The following CALN1 variants were observed in gnomAD, a reference collection of about 807,000 sequenced individuals.
CALN1 encodes calcium-binding protein 8.
Under a neutral mutation model 30.6 loss-of-function variants are expected in CALN1, and 17 were observed. That is an observed-to-expected ratio of 0.56 (90% confidence interval 0.38 to 0.83). The LOEUF is 0.83. Ranked by LOEUF, CALN1 falls within the 40% of genes least tolerant of loss-of-function variation. CALN1 has a pLI of 0.00. For synonymous variants in CALN1, 156 were observed against 131.4 expected, an observed-to-expected ratio of 1.19 and a Z score of -1.28; for missense variants, 291 against 354.9, an observed-to-expected ratio of 0.82 and a Z score of 1.45.
At chr7:71,790,146 A>G (rs567617840) in intron 6 of CALN1, among the ~76,000 whole-genome samples, 4 of 125,970 alleles carry the variant, frequency 3.2e-5, no homozygotes, top group Non-Finnish European at 6.6e-5. Flanking sequence ...GAAGAAAGAA[A>G]GAAGAAAGAG....
At chr7:71,798,442 G>A (rs1787094400) in intron 6 of CALN1, among the ~76,000 whole-genome samples, 1 of 151,892 alleles carries the variant, frequency 6.6e-6, no homozygotes, top group Non-Finnish European at 1.5e-5. Context: ...AGTCTCCTGT[G>A]TAGCTGGGAC....
At chr7:71,967,316 A>C (rs1420636001) in intron 5 of CALN1, among the ~76,000 whole-genome samples, 1 of 152,116 alleles carries the variant, frequency 6.6e-6, no homozygotes, top group Admixed American at 6.6e-5. Flanking sequence ...ATGGCAGAAA[A>C]TATCACAAAA....
chr7:72,213,114 C>G (rs1792530034), intron 3 of CALN1, among the ~76,000 whole-genome samples: 1 of 152,222 alleles, frequency 6.6e-6, no homozygotes, highest in African/African-American at 2.4e-5. Flanking sequence ...TCCGTTCTGG[C>G]AGTAACCCTG....
chr7:72,179,989 C>T (rs1040795463), intron 3 of CALN1, among the ~76,000 whole-genome samples: 10 of 152,192 alleles, frequency 6.6e-5, no homozygotes, highest in Non-Finnish European at 1.2e-4. Context: ...GGTCATTTTA[C>T]ATGATCCGTC....
chr7:71,807,463 A>G (rs1787686683), intron 6 of CALN1, among the ~76,000 whole-genome samples: 1 of 152,154 alleles, frequency 6.6e-6, no homozygotes, highest in Admixed American at 6.5e-5. Flanking sequence ...CCTAAACACA[A>G]ATCAACGAGC....
chr7:71,991,642 C>T (rs565153409), intron 5 of CALN1, among the ~76,000 whole-genome samples: 66 of 152,146 alleles, frequency 4.3e-4, no homozygotes, highest in African/African-American at 1.5e-3. Flanking sequence ...AGATTCTCTA[C>T]AAGGAATATA....
At chr7:72,318,276 C>A (rs533178202) in intron 2 of CALN1, among the ~76,000 whole-genome samples, 50 of 151,950 alleles carry the variant, frequency 3.3e-4, no homozygotes, top group Non-Finnish European at 6.0e-4. Context: ...CTGAAGAATT[C>A]AAGGGACTGA....
At chr7:72,298,967 C>A (rs921600727) in intron 2 of CALN1, among the ~76,000 whole-genome samples, 7 of 152,110 alleles carry the variant, frequency 4.6e-5, no homozygotes, top group African/African-American at 1.7e-4. Flanking sequence ...AAACCTCTTT[C>A]TTTTGTAAAT....
At chr7:71,938,766 G>A (rs1795974140) in intron 5 of CALN1, among the ~76,000 whole-genome samples, 1 of 152,080 alleles carries the variant, frequency 6.6e-6, no homozygotes, top group Non-Finnish European at 1.5e-5. Flanking sequence ...CTCCAGCCTG[G>A]GCGATAGAAC....
intron 2 of CALN1, among the ~76,000 whole-genome samples, chr7:72,347,401 G>A (rs1802705013): frequency 6.6e-6 from 1 of 151,848 alleles, no homozygotes. Context: ...TGAGTAGCTG[G>A]GATTACAGGC....
intron 2 of CALN1, among the ~76,000 whole-genome samples, chr7:72,335,723 G>C (rs1264500838): frequency 6.6e-6 from 1 of 152,234 alleles, no homozygotes; most frequent in Admixed American, 6.5e-5. Flanking sequence ...CCTCACACAA[G>C]CCTCGTCCAA....
chr7:72,039,313 T>G (rs1320928587), intron 4 of CALN1, among the ~76,000 whole-genome samples: 1 of 152,160 alleles, frequency 6.6e-6, no homozygotes, highest in Non-Finnish European at 1.5e-5. Flanking sequence ...AGGTGGCGTG[T>G]TGGATGAGCT....
chr7:72,273,373 G>A (rs1203044413), intron 3 of CALN1, among the ~76,000 whole-genome samples: 2 of 133,608 alleles, frequency 1.5e-5, no homozygotes, highest in Admixed American at 1.6e-4. Context: ...AGTGAGCCAA[G>A]ATTGCACCAC....
rs114933709 is a variant in CALN1, at chr7:72,387,432, C to T, written c.119+15819G>A. Reference sequence around the variant, plus strand: ...TGACTTTCTCCCAAAGGATACAGTACGGAAAGAGGGAAAAGTTGTAACTTC... The same window carrying T: ...TGACTTTCTCCCAAAGGATACAGTATGGAAAGAGGGAAAAGTTGTAACTTC... On this transcript the variant is annotated intron_variant, in intron 2 of 6. Transcript: ENST00000395275. 6.1e-3 allele frequency among the ~76,000 whole-genome samples: 923 copies of T among 152,138 alleles called. 8 individuals are homozygous for T. The highest frequency in any genetic ancestry group is 0.02 in the African/African-American group (844 of 41,482).
At chr7:72,337,856 T>C (rs1802170621) in intron 2 of CALN1, 2 of 152,326 alleles carry the variant, frequency 1.3e-5, no homozygotes, top group African/African-American at 2.4e-5. Flanking sequence ...ATGGATCCGA[T>C]GGGAAGGAGA....
At chr7:72,349,267 T>C (rs1359805180) in intron 2 of CALN1, among the ~76,000 whole-genome samples, 1 of 149,130 alleles carries the variant, frequency 6.7e-6, no homozygotes, top group African/African-American at 2.5e-5. Flanking sequence ...AGAGAGAGAC[T>C]GTAAACACGC....
At chr7:72,320,377 ATCTGT>A (rs1800789983) in intron 2 of CALN1, among the ~76,000 whole-genome samples, 1 of 152,150 alleles carries the variant, frequency 6.6e-6, no homozygotes, top group Non-Finnish European at 1.5e-5. Flanking sequence ...AGGGAGCTCT[ATCTGT>A]TCCCCAGGTG....
intron 2 of CALN1, among the ~76,000 whole-genome samples, chr7:72,315,580 C>T (rs2129556775): frequency 6.6e-6 from 1 of 152,124 alleles, no homozygotes; most frequent in Non-Finnish European, 1.5e-5. Context: ...TGGTGGATGC[C>T]TGTAGTCCCA....
chr7:71,907,694 CTTA>C (rs990441516), intron 5 of CALN1, among the ~76,000 whole-genome samples: 16 of 152,310 alleles, frequency 1.1e-4, no homozygotes, highest in African/African-American at 3.6e-4. Flanking sequence ...GTATGCAGCA[CTTA>C]TTATGTTCCA....
Sources: allele counts gnomAD v4.1 joint callset (sites outside exome capture counted in the v4.1 genomes callset), GRCh38; gene constraint gnomAD v4.1.1; transcripts MANE v1.5; gene names NCBI Gene and HGNC (gene_info 2026-07-23, HGNC 2026-07-21).